Variants in ARHGAP15 observed in about 807,000 individuals in gnomAD.
ARHGAP15 encodes the protein Rho GTPase activating protein 15, also known as rho GTPase-activating protein 15.
Under a neutral mutation model 63.7 loss-of-function variants are expected in ARHGAP15, and 51 were observed. The observed-to-expected ratio is 0.80, with a 90% CI of 0.64 to 1.01. The LOEUF is 1.01. Ranked by LOEUF, ARHGAP15 falls within the 50% of genes least tolerant of loss-of-function variation. The probability of loss-of-function intolerance (pLI) is 0.00; values close to 1 mark genes in which losing one functional copy is unlikely to be tolerated. For synonymous variants in ARHGAP15, 191 were observed against 193.8 expected, an observed-to-expected ratio of 0.99 and a Z score of 0.12; for missense variants, 560 against 564.6, an observed-to-expected ratio of 0.99 and a Z score of 0.08.
At chr2:143,722,113 A>G (rs1174439574) in intron 13 of ARHGAP15, among the ~76,000 whole-genome samples, 1 of 152,064 alleles carries the variant, frequency 6.6e-6, no homozygotes, top group Non-Finnish European at 1.5e-5. Flanking sequence ...TTTTTATACT[A>G]ATTTCTATGT....
intron 11 of ARHGAP15, among the ~76,000 whole-genome samples, chr2:143,577,288 T>C (rs1438945082): frequency 6.6e-6 from 1 of 152,126 alleles, no homozygotes; most frequent in Non-Finnish European, 1.5e-5. Flanking sequence ...TGTAAAGAAA[T>C]GTTGACTTTC....
rs1695801064 is a variant in ARHGAP15, at chr2:143,556,400, G to A, written c.926-8G>A. 2 of 1,597,532 alleles carry A rather than the reference G, an allele frequency of 1.3e-6. No individual in the cohort carries two copies. The highest frequency in any genetic ancestry group is 1.7e-6 in the Non-Finnish European group (2 of 1,170,866). ...GTGCTAATATAAAATATGCCCTTTT[G>A]TCTTCAGGTCTAGATGTTGATGGAA... On this transcript the variant is annotated splice_polypyrimidine_tract_variant and splice_region_variant and intron_variant, in intron 10 of 13. Coordinates refer to ENST00000295095, the MANE Select transcript of ARHGAP15 (RefSeq NM_018460.4).
intron 6 of ARHGAP15, among the ~76,000 whole-genome samples, chr2:143,430,068 G>T (rs1000994906): frequency 3.3e-5 from 5 of 151,974 alleles, no homozygotes; most frequent in Non-Finnish European, 5.9e-5. Flanking sequence ...ATCATTGTTT[G>T]CTAGGGTAAC....
At chr2:143,357,416 A>G (rs1411113151) in intron 6 of ARHGAP15, among the ~76,000 whole-genome samples, 2 of 152,100 alleles carry the variant, frequency 1.3e-5, no homozygotes, top group African/African-American at 2.4e-5. Flanking sequence ...GCTATTATTG[A>G]TAAATACAAA....
intron 6 of ARHGAP15, among the ~76,000 whole-genome samples, chr2:143,393,755 GTGAAAT>G (rs1352012852): frequency 8.0e-6 from 1 of 124,646 alleles, no homozygotes; most frequent in Non-Finnish European, 1.7e-5. Context: ...AAAAAAAAAA[GTGAAAT>G]TTGGAGGAAG....
chr2:143,443,322 G>A (rs1300244925), intron 8 of ARHGAP15, among the ~76,000 whole-genome samples: 1 of 152,064 alleles, frequency 6.6e-6, no homozygotes, highest in Non-Finnish European at 1.5e-5. Context: ...AAATGGAAGA[G>A]CTCTTTCCTG....
At chr2:143,193,848 G>C (rs1487844195) in intron 2 of ARHGAP15, among the ~76,000 whole-genome samples, 2 of 152,178 alleles carry the variant, frequency 1.3e-5, no homozygotes, top group African/African-American at 4.8e-5. Context: ...GATTAAATTA[G>C]ATCTATCATG....
At chr2:143,606,569 G>A (rs13388683) in intron 11 of ARHGAP15, among the ~76,000 whole-genome samples, 1,937 of 152,234 alleles carry the variant, frequency 0.013, 46 homozygotes, top group African/African-American at 0.045. Flanking sequence ...ATGGGAAAAC[G>A]TGAGCAATGT....
intron 6 of ARHGAP15, among the ~76,000 whole-genome samples, chr2:143,323,580 T>A (rs1684117264): frequency 1.3e-5 from 2 of 152,164 alleles, no homozygotes; most frequent in Admixed American, 1.3e-4. Context: ...TGGCCCATTC[T>A]GTTTTATTAT....
At chr2:143,686,174 C>T (rs1683329444) in intron 12 of ARHGAP15, among the ~76,000 whole-genome samples, 3 of 151,672 alleles carry the variant, frequency 2.0e-5, no homozygotes, top group Admixed American at 6.6e-5. Flanking sequence ...TTTGGGAGGC[C>T]GAGGCAGGCA....
chr2:143,464,668 T>C (rs891559860), intron 8 of ARHGAP15, among the ~76,000 whole-genome samples: 1 of 152,164 alleles, frequency 6.6e-6, no homozygotes, highest in African/African-American at 2.4e-5. Context: ...TTTTGCCTCT[T>C]TACTTGCTGA....
intron 11 of ARHGAP15, among the ~76,000 whole-genome samples, chr2:143,562,137 TTTG>T (rs1250870098): frequency 6.6e-6 from 1 of 152,196 alleles, no homozygotes; most frequent in Admixed American, 6.5e-5. Flanking sequence ...GAAAAACAAT[TTTG>T]TTTTTATCAA....
At chr2:143,190,029 T>C (rs573609671) in intron 2 of ARHGAP15, among the ~76,000 whole-genome samples, 1 of 152,294 alleles carries the variant, frequency 6.6e-6, no homozygotes, top group South Asian at 2.1e-4. Flanking sequence ...ATTTTGATAT[T>C]CTTATTTCAT....
At chr2:143,283,471 T>C (rs1558865412) in intron 6 of ARHGAP15, among the ~76,000 whole-genome samples, 2 of 152,206 alleles carry the variant, frequency 1.3e-5, no homozygotes, top group South Asian at 4.1e-4. Flanking sequence ...ATGACTCTAC[T>C]CTTGTATTAT....
intron 13 of ARHGAP15, among the ~76,000 whole-genome samples, chr2:143,765,279 A>C (rs933547337): frequency 3.9e-5 from 6 of 152,226 alleles, no homozygotes; most frequent in African/African-American, 9.6e-5. Flanking sequence ...GAGGCTCAGG[A>C]GAGATCTTAA....
intron 6 of ARHGAP15, among the ~76,000 whole-genome samples, chr2:143,393,955 G>A (rs2890716): frequency 0.22 from 33,795 of 151,974 alleles, 4,219 homozygotes; most frequent in Admixed American, 0.34. Context: ...TTATGAGCTG[G>A]AGGATGGAAC....
intron 6 of ARHGAP15, among the ~76,000 whole-genome samples, chr2:143,367,749 G>A (rs1018788918): frequency 6.6e-6 from 1 of 151,310 alleles, no homozygotes; most frequent in African/African-American, 2.4e-5. Context: ...TTATTAGGAG[G>A]GTTTATAAAA....
At chr2:143,498,598 A>G (rs1256736327) in intron 9 of ARHGAP15, among the ~76,000 whole-genome samples, 2 of 152,182 alleles carry the variant, frequency 1.3e-5, no homozygotes, top group East Asian at 3.8e-4. Context: ...AAGATAAAAT[A>G]AAAGTACATA....
chr2:143,560,772 A>G (rs1695987977), intron 11 of ARHGAP15, among the ~76,000 whole-genome samples: 3 of 152,230 alleles, frequency 2.0e-5, no homozygotes, highest in African/African-American at 4.8e-5. Flanking sequence ...GGCTTTATGT[A>G]TCTATGTTTG....
Sources: gnomAD v4.1 joint callset for allele counts (sites outside exome capture counted in the v4.1 genomes callset) on GRCh38, gnomAD v4.1.1 for gene constraint, MANE v1.5 for transcripts, NCBI Gene and HGNC (gene_info 2026-07-23, HGNC 2026-07-21) for gene names.